TENM2: variants seen among roughly 807,000 people sequenced by gnomAD.
The protein encoded by TENM2 is teneurin-2.
Under a neutral mutation model 245.2 loss-of-function variants are expected in TENM2, and 52 were observed. The ratio of observed to expected loss-of-function variants is 0.21; its 90% confidence interval spans 0.17 to 0.27. The LOEUF is 0.27. TENM2 is among the 10% of genes least tolerant of loss of function. TENM2 has a pLI of 1.00. For missense variants in TENM2, 3,046 were observed against 3,666.8 expected (o/e 0.83, Z 4.37); for synonymous variants, 1,363 against 1,438.9 (o/e 0.95, Z 1.19).
intron 7 of TENM2, among the ~76,000 whole-genome samples, chr5:168,084,090 A>T (rs185797965): frequency 9.2e-5 from 14 of 152,318 alleles, no homozygotes; most frequent in Admixed American, 2.0e-4. Context: ...GCTGAAAAAA[A>T]TATGATTTCA....
chr5:167,350,413 ATGTGTGTGTGTGTGTG>A (rs35747170), intron 1 of TENM2, among the ~76,000 whole-genome samples: 1 of 141,896 alleles, frequency 7.0e-6, no homozygotes, highest in Non-Finnish European at 1.5e-5. Flanking sequence ...ATACATATAT[ATGTGTGTGTGTGTGTG>A]TGTGTGTGTG....
intron 2 of TENM2, among the ~76,000 whole-genome samples, chr5:167,776,161 CCACACACA>C (rs66740766): frequency 2.3e-5 from 3 of 133,110 alleles, no homozygotes; most frequent in Non-Finnish European, 3.1e-5. Flanking sequence ...AAAAAAAAAT[CCACACACA>C]CACACACACA....
At chr5:168,185,640 C>T (rs1211711617) in intron 13 of TENM2, among the ~76,000 whole-genome samples, 2 of 89,266 alleles carry the variant, frequency 2.2e-5, no homozygotes, top group African/African-American at 7.0e-5. Context: ...TTCCATGAAT[C>T]TTTAAATTAA....
intron 3 of TENM2, among the ~76,000 whole-genome samples, chr5:167,944,112 C>A (rs1291943670): frequency 6.6e-6 from 1 of 152,194 alleles, no homozygotes; most frequent in Non-Finnish European, 1.5e-5. Context: ...GATGTGGCAC[C>A]TACGATTAAA....
At chr5:167,853,037 AGCACTTTGGGAG>A (rs896640451) in intron 2 of TENM2, among the ~76,000 whole-genome samples, 11 of 151,996 alleles carry the variant, frequency 7.2e-5, no homozygotes, top group Admixed American at 2.0e-4. Flanking sequence ...CTGTAATCCC[AGCACTTTGGGAG>A]GCCGAGGCGG....
intron 2 of TENM2, among the ~76,000 whole-genome samples, chr5:167,522,342 TC>T (rs1164606323): frequency 6.6e-6 from 1 of 152,118 alleles, no homozygotes; most frequent in Non-Finnish European, 1.5e-5. Flanking sequence ...CAGCCTTATT[TC>T]AATCATCAAA....
At chr5:167,661,245 A>G (rs962158011) in intron 2 of TENM2, among the ~76,000 whole-genome samples, 1 of 152,150 alleles carries the variant, frequency 6.6e-6, no homozygotes, top group African/African-American at 2.4e-5. Flanking sequence ...CTGAATTTCT[A>G]TTATCTAAAC....
intron 4 of TENM2, among the ~76,000 whole-genome samples, chr5:167,955,049 T>C (rs1465223323): frequency 6.6e-6 from 1 of 152,184 alleles, no homozygotes; most frequent in African/African-American, 2.4e-5. Context: ...CCACACTGTC[T>C]TTCACAATGG....
chr5:168,192,130 C>T (rs1284435887), intron 14 of TENM2, among the ~76,000 whole-genome samples: 1 of 152,152 alleles, frequency 6.6e-6, no homozygotes, highest in African/African-American at 2.4e-5. Flanking sequence ...TAGGATAACA[C>T]TATTTAAATA....
chr5:167,395,692 A>C (rs1167196202), intron 2 of TENM2, among the ~76,000 whole-genome samples: 1 of 152,162 alleles, frequency 6.6e-6, no homozygotes, highest in Non-Finnish European at 1.5e-5. Context: ...ACTTTAAGGA[A>C]AACAAAGTGC....
intron 21 of TENM2, 29 bp downstream of exon 23, chr5:168,215,301 C>T (rs1162560047): frequency 6.3e-7 from 1 of 1,586,116 alleles, no homozygotes; most frequent in Non-Finnish European, 8.7e-7. Flanking sequence ...GAGTCTCCCG[C>T]CCCAGATAAA....
chr5:167,077,340 C>A, the TENM2 span, among the ~76,000 whole-genome samples: 87 of 151,850 alleles, frequency 5.7e-4, 1 homozygote, highest in Admixed American at 3.7e-3. Flanking sequence ...ACTTTTTTTT[C>A]TTTTTAGCAT....
chr5:167,030,335 G>C, the TENM2 span, among the ~76,000 whole-genome samples: 1 of 152,132 alleles, frequency 6.6e-6, no homozygotes, highest in Non-Finnish European at 1.5e-5. Flanking sequence ...CCAAATTTCT[G>C]AGTTTGAAAT....
chr5:167,186,670 G>T, the TENM2 span, among the ~76,000 whole-genome samples: 1 of 152,270 alleles, frequency 6.6e-6, no homozygotes, highest in East Asian at 1.9e-4. Context: ...TGAATGTGGA[G>T]CACAGCAATG....
intron 2 of TENM2, among the ~76,000 whole-genome samples, chr5:167,667,704 G>A (rs1178536699): frequency 1.3e-5 from 2 of 152,164 alleles, no homozygotes; most frequent in East Asian, 3.9e-4. Flanking sequence ...TCTCACTAAT[G>A]TCCACTCCTG....
At chr5:167,590,621 G>A (rs982024980) in intron 2 of TENM2, among the ~76,000 whole-genome samples, 3 of 151,938 alleles carry the variant, frequency 2.0e-5, no homozygotes, top group African/African-American at 7.2e-5. Flanking sequence ...TTATTCAGTT[G>A]TATCTGTATG....
At chr5:167,897,379 C>A (rs1175716477) in intron 3 of TENM2, among the ~76,000 whole-genome samples, 1 of 151,834 alleles carries the variant, frequency 6.6e-6, no homozygotes, top group Non-Finnish European at 1.5e-5. Context: ...CCCTGGTAAA[C>A]TTTTCTTTTT....
chr5:167,347,301 G>A (rs1288924388), intron 1 of TENM2, among the ~76,000 whole-genome samples: 1 of 152,080 alleles, frequency 6.6e-6, no homozygotes, highest in Non-Finnish European at 1.5e-5. Context: ...GTCTTCTATG[G>A]CTGTTTGCTA....
chr5:167,294,377 T>C (rs556957568), intron 1 of TENM2: 9 of 152,226 alleles, frequency 5.9e-5, no homozygotes, highest in African/African-American at 2.2e-4. Flanking sequence ...CAGCTAATAA[T>C]TTCATGGGAC....
Sources: allele counts gnomAD v4.1 joint callset (sites outside exome capture counted in the v4.1 genomes callset), GRCh38; gene constraint gnomAD v4.1.1; transcripts MANE v1.5; gene names NCBI Gene and HGNC (gene_info 2026-07-23, HGNC 2026-07-21).